Variants in CCDC170 observed in about 807,000 individuals in gnomAD.
The protein encoded by CCDC170 is coiled-coil domain-containing protein 170.
A neutral mutation model predicts 72.6 loss-of-function variants in CCDC170; 69 were observed. That is an observed-to-expected ratio of 0.95 (90% CI 0.78 to 1.16). CCDC170 has a LOEUF of 1.16. Among genes scored for constraint, CCDC170 ranks in the 50% most tolerant of loss-of-function variants. CCDC170 has a pLI of 0.00. For missense variants in CCDC170, 852 were observed against 832.5 expected (o/e 1.02, Z -0.29); for synonymous variants, 300 against 303.9 (o/e 0.99, Z 0.13).
intron 1 of CCDC170, among the ~76,000 whole-genome samples, chr6:151,514,250 G>A (rs977608016): frequency 2.7e-5 from 4 of 147,560 alleles, no homozygotes; most frequent in Admixed American, 6.7e-5. Context: ...GCAGTGAGCC[G>A]TGATCATGCC....
At chr6:151,536,509 G>T (rs910890599) in intron 2 of CCDC170, 63 bp downstream of exon 2, 3 of 1,577,374 alleles carry the variant, frequency 1.9e-6, no homozygotes, top group African/African-American at 1.3e-5. Flanking sequence ...AAATGAAACA[G>T]ATCACGCCTG....
At chr6:151,532,305 TAATAAG>T (rs907687068) in intron 1 of CCDC170, among the ~76,000 whole-genome samples, 5 of 152,344 alleles carry the variant, frequency 3.3e-5, no homozygotes, top group African/African-American at 9.6e-5. Flanking sequence ...TCTAAATTGC[TAATAAG>T]AATAAGACTT....
chr6:151,542,258 C>A (rs1021643065), intron 3 of CCDC170, among the ~76,000 whole-genome samples: 2 of 146,052 alleles, frequency 1.4e-5, no homozygotes, highest in East Asian at 4.2e-4. Context: ...TTTCACTCTG[C>A]CACCCAGGCT....
chr6:151,539,074 C>A (rs559395505), intron 3 of CCDC170, among the ~76,000 whole-genome samples: 97 of 152,090 alleles, frequency 6.4e-4, no homozygotes, highest in Non-Finnish European at 1.1e-3. Context: ...CCAGCCTGGC[C>A]AACATGGTGA....
chr6:151,615,719 G>T, intron 10 of CCDC170, 40 bp downstream of exon 10: 1 of 1,401,174 alleles, frequency 7.1e-7, no homozygotes, highest in Non-Finnish European at 1.0e-6. Context: ...TTTAGGAAAT[G>T]ACAGGACAAT....
chr6:151,515,513 C>T (rs994471973), intron 1 of CCDC170, among the ~76,000 whole-genome samples: 1 of 152,146 alleles, frequency 6.6e-6, no homozygotes, highest in Admixed American at 6.5e-5. Flanking sequence ...GAACTCCTGA[C>T]CTCAGGTGAT....
intron 5 of CCDC170, among the ~76,000 whole-genome samples, chr6:151,552,839 T>A (rs1782905743): frequency 7.7e-6 from 1 of 130,254 alleles, no homozygotes. Flanking sequence ...CAGGCTGGAG[T>A]CCAGTGGCAT....
At chr6:151,552,755 TA>T (rs1315522805) in intron 5 of CCDC170, among the ~76,000 whole-genome samples, 3 of 142,718 alleles carry the variant, frequency 2.1e-5, no homozygotes, top group Non-Finnish European at 3.1e-5. Flanking sequence ...GCCACTGAAC[TA>T]AAACCAGCCA....
At chr6:151,611,731 G>A (rs1413937929) in intron 9 of CCDC170, among the ~76,000 whole-genome samples, 2 of 151,798 alleles carry the variant, frequency 1.3e-5, no homozygotes, top group Non-Finnish European at 2.9e-5. Flanking sequence ...GTTTTTTTGC[G>A]ACGGAGTCTC....
At chr6:151,500,540 C>T (rs1383435489) in intron 1 of CCDC170, among the ~76,000 whole-genome samples, 1 of 151,420 alleles carries the variant, frequency 6.6e-6, no homozygotes, top group East Asian at 1.9e-4. Context: ...ATGAAAGACA[C>T]ATTTAAACAA....
chr6:151,591,832 C>G (rs1412335357), intron 7 of CCDC170, among the ~76,000 whole-genome samples: 1 of 152,012 alleles, frequency 6.6e-6, no homozygotes, highest in African/African-American at 2.4e-5. Context: ...TCTAAAATAT[C>G]TTAATTAATA....
chr6:151,573,229 T>A lies in CCDC170; in HGVS notation c.830T>A (p.Phe277Tyr). 2 of 1,614,078 alleles carry A rather than the reference T, an allele frequency of 1.2e-6. No individual in the cohort carries two copies. Among genetic ancestry groups the A allele is most frequent in the East Asian group, 2.2e-5 (1 of 44,874 alleles). ...GCTCTTGAAAGGGAAGTTAAGATCT[T>A]CCAAGAAAGGCTGCTTGCTGGCCAG... ...KEALEREVKI[F>Y]QERLLAGQQV... is the part of the protein sequence containing the mutation. Residue 277 changes from phenylalanine to tyrosine, a missense_variant, in exon 6 of 11, where the codon TTC becomes TAC. Physicochemically the swap from Phe to Tyr is conservative, Grantham distance 22. Transcript: ENST00000239374.
intron 5 of CCDC170, among the ~76,000 whole-genome samples, chr6:151,551,678 C>T (rs1246216056): frequency 6.6e-6 from 1 of 152,114 alleles, no homozygotes; most frequent in Non-Finnish European, 1.5e-5. Context: ...GTGGTAAGGA[C>T]CTGAGGCCTG....
chr6:151,614,618 C>A (rs1427003031), intron 9 of CCDC170, among the ~76,000 whole-genome samples: 1 of 144,854 alleles, frequency 6.9e-6, no homozygotes, highest in African/African-American at 2.6e-5. Flanking sequence ...CCATGGCTGG[C>A]TAACTTTTGT....
At chr6:151,583,013 G>A (rs1380530848) in intron 6 of CCDC170, among the ~76,000 whole-genome samples, 3 of 90,488 alleles carry the variant, frequency 3.3e-5, no homozygotes, top group Admixed American at 1.4e-4. Context: ...TTTTTTTTGA[G>A]ACGGAGTCTT....
In CCDC170 at chr6:151,517,888, C is replaced by T. The variant is rs1197698815; in HGVS notation, c.58-18430C>T. ...TCCTGTGCTTCCTCTTATTTTTTCC[C>T]TCCTTTAATTTTTCTTTACGGCCAT... On this transcript the variant is annotated intron_variant, in intron 1 of 10. Coordinates refer to ENST00000239374, the MANE Select transcript of CCDC170 (RefSeq NM_025059.4). Among the ~76,000 whole-genome samples, 9 of 151,976 alleles carry T rather than the reference C, an allele frequency of 5.9e-5. No homozygotes were observed. The East Asian group carries it at 1.7e-3, about 29-fold the overall frequency.
At chr6:151,554,872 G>GATT (rs1256155008) in intron 5 of CCDC170, among the ~76,000 whole-genome samples, 15 of 102,318 alleles carry the variant, frequency 1.5e-4, no homozygotes, top group African/African-American at 5.6e-4. Flanking sequence ...TTGGACCTCA[G>GATT]TTTTTTTTTT....
intron 8 of CCDC170, 109 bp downstream of exon 8, chr6:151,593,389 CT>C: frequency 8.6e-7 from 1 of 1,160,466 alleles, no homozygotes. Flanking sequence ...TAGGAAGGCT[CT>C]TATAAAAATA....
At chr6:151,555,278 C>T (rs6557149) in intron 5 of CCDC170, among the ~76,000 whole-genome samples, 72,275 of 152,016 alleles carry the variant, frequency 0.48, 19,049 homozygotes, top group Non-Finnish European at 0.6. Context: ...ATACTTAGGA[C>T]GTGTCTGGCA....
Sources: gnomAD v4.1 joint callset for allele counts (sites outside exome capture counted in the v4.1 genomes callset) on GRCh38, gnomAD v4.1.1 for gene constraint, MANE v1.5 for transcripts, NCBI Gene and HGNC (gene_info 2026-07-23, HGNC 2026-07-21) for gene names.